The following CRELD1 variants were observed in gnomAD, a reference collection of about 807,000 sequenced individuals.
CRELD1 encodes the protein protein disulfide isomerase CRELD1.
Under a neutral mutation model 58.2 loss-of-function variants are expected in CRELD1, and 42 were observed. The ratio of observed to expected loss-of-function variants is 0.72; its 90% CI spans 0.56 to 0.93. CRELD1 has a LOEUF of 0.93. Ranked by LOEUF, CRELD1 falls within the 40% of genes least tolerant of loss-of-function variation. The pLI, the probability that CRELD1 is intolerant of heterozygous loss-of-function variation, is 0.00. For synonymous variants in CRELD1, 222 were observed against 202.0 expected (o/e 1.10, Z -0.84); for missense variants, 500 against 540.6 (o/e 0.92, Z 0.74).
At chr3:9,941,789 C>CAA (rs34088708) in intron 7 of CRELD1, among the ~76,000 whole-genome samples, 257 of 20,592 alleles carry the variant, frequency 0.012, 18 homozygotes, top group Non-Finnish European at 0.016. Context: ...GACTCCATCT[C>CAA]AAAAAAAAAA....
chr3:9,938,870 A>C (rs1025222932), intron 5 of CRELD1, among the ~76,000 whole-genome samples: 1 of 151,868 alleles, frequency 6.6e-6, no homozygotes, highest in Non-Finnish European at 1.5e-5. Flanking sequence ...AAAAAAAAAA[A>C]AGAAAATATT....
intron 5 of CRELD1, among the ~76,000 whole-genome samples, chr3:9,939,140 AAAATAAAT>A (rs201401416): frequency 0.066 from 9,500 of 144,794 alleles, 353 homozygotes; most frequent in Admixed American, 0.077. Flanking sequence ...CCTGTCACTA[AAAATAAAT>A]AAATAAATAA....
intron 5 of CRELD1, among the ~76,000 whole-genome samples, chr3:9,939,307 G>C (rs910750537): frequency 4.6e-5 from 7 of 152,114 alleles, no homozygotes; most frequent in African/African-American, 1.7e-4. Context: ...CTGATATGCA[G>C]AGCAGAAAAT....
chr3:9,944,185 T>C (rs2085455304), intron 10 of CRELD1, 180 bp from the exon 11 acceptor site: 12 of 793,618 alleles, frequency 1.5e-5, no homozygotes, highest in Non-Finnish European at 2.8e-5. Context: ...TCCCATTTAG[T>C]GAGACAGGGA....
intron 3 of CRELD1, among the ~76,000 whole-genome samples, chr3:9,936,492 T>C (rs575661337): frequency 1.9e-3 from 288 of 152,034 alleles, no homozygotes; most frequent in African/African-American, 6.7e-3. Context: ...TATATATATA[T>C]GTGTGTGTAT....
At chr3:9,944,289 G>T in intron 10 of CRELD1, 76 bp from the exon 11 acceptor site, 1 of 1,300,590 alleles carries the variant, frequency 7.7e-7, no homozygotes. Flanking sequence ...CAGGTGTGTG[G>T]GAGTTCTGGG....
chr3:9,940,747 GAGGGAGGGAAGGCA>G, intron 5 of CRELD1, 89 bp from the exon 6 acceptor site: 2 of 749,654 alleles, frequency 2.7e-6, no homozygotes, highest in African/African-American at 2.1e-5. Flanking sequence ...GGGAGGGGGG[GAGGGAGGGAAGGCA>G]AGGGAGAGGG....
intron 10 of CRELD1, chr3:9,943,883 G>A (rs1466996088): frequency 6.2e-7 from 1 of 1,610,420 alleles, no homozygotes; most frequent in Non-Finnish European, 8.5e-7. Context: ...AGCAATTACT[G>A]TGTCAGATGC....
At chr3:9,941,826 G>A (rs1265258082) in intron 7 of CRELD1, among the ~76,000 whole-genome samples, 1 of 151,074 alleles carries the variant, frequency 6.6e-6, no homozygotes, top group African/African-American at 2.4e-5. Flanking sequence ...ATGAGGAAGG[G>A]TTGGCTAGGA....
rs191434123 is a variant in CRELD1 at position 9,942,164 on chromosome 3, G to A, written c.734-649G>A. ...CAGGTGCCTGTAATCCCAGCTACTC[G>A]GGAGGCAGAGGCAGGAGAGTCGCTT... On this transcript the variant is annotated intron_variant, in intron 7 of 10. Transcript: ENST00000452070. Among the ~76,000 whole-genome samples, 10 of 151,934 alleles carry A rather than the reference G, an allele frequency of 6.6e-5. No homozygotes were observed. The East Asian group carries it at 9.7e-4, about 15-fold the overall frequency.
chr3:9,943,319 G>C, intron 9 of CRELD1, 62 bp from the exon 10 acceptor site: 1 of 1,613,008 alleles, frequency 6.2e-7, no homozygotes, highest in Non-Finnish European at 8.5e-7. Context: ...AGATGGACAA[G>C]ATGGAGTCAG....
At chr3:9,940,643 CAGAGGGAGACCGTGTAAAGAGAGGG>C (rs1235130134) in intron 5 of CRELD1, among the ~76,000 whole-genome samples, 182 bp from the exon 6 acceptor site, 84 of 128,032 alleles carry the variant, frequency 6.6e-4, no homozygotes, top group African/African-American at 1.9e-3. Flanking sequence ...AGCTTGGCAT[CAGAGGGAGACCGTGTAAAGAGAGGG>C]AGAGGGAGAC....
At chr3:9,934,222 A>G in intron 1 of CRELD1, 198 bp from the exon 2 acceptor site, 2 of 590,020 alleles carry the variant, frequency 3.4e-6, no homozygotes, top group South Asian at 4.0e-5. Context: ...GCTAGCGAGG[A>G]TAACTTATTT....
At chr3:9,934,701 A>G in intron 2 of CRELD1, 89 bp downstream of exon 2, 1 of 1,543,936 alleles carries the variant, frequency 6.5e-7, no homozygotes, top group Non-Finnish European at 8.9e-7. Flanking sequence ...TTTAAGTTTC[A>G]TCTTGGTCTC....
At chr3:9,940,469 C>T (rs552674231) in intron 5 of CRELD1, among the ~76,000 whole-genome samples, 158 of 152,198 alleles carry the variant, frequency 1.0e-3, no homozygotes, top group African/African-American at 3.6e-3. Context: ...AGCTGGAGAC[C>T]GGCCCGGCCA....
At chr3:9,939,879 G>C (rs1200475070) in intron 5 of CRELD1, among the ~76,000 whole-genome samples, 1 of 152,240 alleles carries the variant, frequency 6.6e-6, no homozygotes, top group Non-Finnish European at 1.5e-5. Flanking sequence ...TGGCCGGGCA[G>C]AGGGGCTCCT....
rs1484935953 is a variant in CRELD1 at position 9,943,115 on chromosome 3, C to T, written c.856C>T (p.Pro286Ser). The T allele has an allele frequency of 3.1e-6, 5 of 1,613,750 alleles. No homozygotes were observed. Among genetic ancestry groups the T allele is most frequent in the South Asian group, 1.1e-5 (1 of 91,084 alleles). Residue 286 changes from proline (P) to serine (S), a missense_variant, in exon 9 of 11, where the codon CCA becomes TCA. By Grantham distance (74) the Pro-to-Ser change is moderately conservative. Coordinates refer to ENST00000452070, the MANE Select transcript of CRELD1 (RefSeq NM_001077415.3). Reference sequence around the variant, plus strand: ...CTGCCTAGGCTGCATGGGGGCAGGGCCAGGTCGCTGTAAGAAGTGTAGCCC... The same window carrying T: ...CTGCCTAGGCTGCATGGGGGCAGGGTCAGGTCGCTGTAAGAAGTGTAGCCC... ...KACLGCMGAGPGRCKKCSPGY... is the reference protein window; with the variant it reads ...KACLGCMGAGSGRCKKCSPGY...
At chr3:9,941,377 T>G (rs2085361607) in intron 7 of CRELD1, among the ~76,000 whole-genome samples, 171 bp downstream of exon 7, 1 of 151,416 alleles carries the variant, frequency 6.6e-6, no homozygotes, top group South Asian at 2.1e-4. Context: ...AGTACACAGG[T>G]ACTGTGTAGT....
chr3:9,942,623 A>C (rs562514658), intron 7 of CRELD1, among the ~76,000 whole-genome samples, 190 bp from the exon 8 acceptor site: 9 of 152,308 alleles, frequency 5.9e-5, no homozygotes, highest in African/African-American at 2.2e-4. Flanking sequence ...ACTTAGCTTC[A>C]AGACAGGTTG....
Sources: allele counts gnomAD v4.1 joint callset (sites outside exome capture counted in the v4.1 genomes callset), GRCh38; gene constraint gnomAD v4.1.1; transcripts MANE v1.5; gene names NCBI Gene and HGNC (gene_info 2026-07-23, HGNC 2026-07-21).